MKLN1: variants seen among roughly 807,000 people sequenced by gnomAD.
The protein encoded by MKLN1 is muskelin 1.
In MKLN1, 18 loss-of-function variants were observed where a neutral mutation model predicts 99.0. The ratio of observed to expected loss-of-function variants is 0.18; its 90% CI spans 0.13 to 0.27. The LOEUF is 0.27. MKLN1 is among the 10% of genes least tolerant of loss of function. The pLI is 1.00. For synonymous variants in MKLN1, 288 were observed against 293.2 expected, an observed-to-expected ratio of 0.98 and a Z score of 0.18; for missense variants, 621 against 875.9, an observed-to-expected ratio of 0.71 and a Z score of 3.67.
At chr7:131,113,704 G>C (rs1795231270) in intron 1 of MKLN1, among the ~76,000 whole-genome samples, 1 of 151,492 alleles carries the variant, frequency 6.6e-6, no homozygotes, top group African/African-American at 2.4e-5. Flanking sequence ...AGGCCTGGTG[G>C]CACACACCTG....
In MKLN1 at chr7:131,487,545, A is replaced by T; in HGVS notation, c.2087-62A>T. 1.3e-6 allele frequency: 2 copies of T among 1,557,436 alleles called. No individual in the cohort carries two copies. The highest frequency in any genetic ancestry group is 1.7e-6 in the Non-Finnish European group (2 of 1,151,126). ...TATAAAATACATTGCTGCTGGTCTC[A>T]ACTAGTTTTTCTGTTACATGTTTTA... On this transcript the variant is annotated intron_variant, in intron 17 of 17. Coordinates refer to ENST00000352689, the MANE Select transcript of MKLN1 (RefSeq NM_013255.5). This position sits in a 1 kb window ranked among gnomAD's most constrained non-coding sequence, Gnocchi z 4.7.
intron 1 of MKLN1, among the ~76,000 whole-genome samples, chr7:131,124,109 ACCTCT>A (rs1795418718): frequency 6.6e-6 from 1 of 152,188 alleles, no homozygotes; most frequent in Non-Finnish European, 1.5e-5. Flanking sequence ...AATAACACCT[ACCTCT>A]CAAGGAGGTT....
intron 12 of MKLN1, among the ~76,000 whole-genome samples, chr7:131,448,784 G>A (rs1796093324): frequency 6.6e-6 from 1 of 152,140 alleles, no homozygotes; most frequent in East Asian, 1.9e-4. Context: ...GTGTGTAATT[G>A]GTTTACACAA....
intron 3 of MKLN1, among the ~76,000 whole-genome samples, chr7:131,246,090 C>T (rs928303862): frequency 3.3e-5 from 5 of 152,202 alleles, no homozygotes; most frequent in African/African-American, 7.2e-5. Flanking sequence ...ATTTCTATAA[C>T]CTCCTTGGGG....
intron 8 of MKLN1, among the ~76,000 whole-genome samples, chr7:131,428,496 A>G (rs541609594): frequency 3.3e-4 from 50 of 152,316 alleles, no homozygotes; most frequent in African/African-American, 1.2e-3. Context: ...TGATATAGCA[A>G]TAGAGAGAAA....
At chr7:131,420,378 A>G (rs1322028012) in intron 8 of MKLN1, among the ~76,000 whole-genome samples, 1 of 152,092 alleles carries the variant, frequency 6.6e-6, no homozygotes, top group South Asian at 2.1e-4. Context: ...GATGAACTGG[A>G]TGAGAAGTGT....
At chr7:131,319,354 C>T (rs1229579712) in intron 3 of MKLN1, among the ~76,000 whole-genome samples, 1 of 152,186 alleles carries the variant, frequency 6.6e-6, no homozygotes, top group African/African-American at 2.4e-5. Context: ...CCACGATTAT[C>T]TCAATAGATA....
intron 6 of MKLN1, among the ~76,000 whole-genome samples, chr7:131,403,100 G>C (rs1794597511): frequency 1.3e-5 from 2 of 152,226 alleles, no homozygotes; most frequent in Non-Finnish European, 2.9e-5. Context: ...GGAATGTTTT[G>C]TCTACATTGA....
chr7:131,217,634 G>A (rs10236568), intron 3 of MKLN1, among the ~76,000 whole-genome samples: 47,224 of 152,194 alleles, frequency 0.31, 7,513 homozygotes, highest in South Asian at 0.44. Flanking sequence ...AGAGGCAGGC[G>A]TTGCAGTGAG....
At chr7:131,221,532 G>A (rs763873803) in intron 3 of MKLN1, among the ~76,000 whole-genome samples, 1 of 135,686 alleles carries the variant, frequency 7.4e-6, no homozygotes, top group East Asian at 2.2e-4. Context: ...TTTAAAGACC[G>A]AAGTCTGGCT....
At chr7:131,472,587 AGTGT>A (rs1226690042) in intron 16 of MKLN1, among the ~76,000 whole-genome samples, 2 of 86,124 alleles carry the variant, frequency 2.3e-5, no homozygotes, top group African/African-American at 9.1e-5. Context: ...GAAATGTTGA[AGTGT>A]GTATGTGTGT....
intron 2 of MKLN1, among the ~76,000 whole-genome samples, chr7:131,182,854 G>A (rs1383706302): frequency 1.3e-5 from 2 of 152,182 alleles, no homozygotes; most frequent in East Asian, 3.9e-4. Flanking sequence ...GTGGGCTGAC[G>A]CAGCAGCACA....
At chr7:131,331,029 A>C (rs1799058724) in intron 1 of MKLN1, among the ~76,000 whole-genome samples, 1 of 152,202 alleles carries the variant, frequency 6.6e-6, no homozygotes, top group Non-Finnish European at 1.5e-5. Context: ...TTATACATAA[A>C]AATATTTTGT....
intron 1 of MKLN1, among the ~76,000 whole-genome samples, chr7:131,121,638 C>CAAAAAAAAAAAAAAAAAAAAA (rs55908773): frequency 5.5e-5 from 4 of 72,804 alleles, no homozygotes; most frequent in South Asian, 4.7e-4. Context: ...GACTCCGTCT[C>CAAAAAAAAAAAAAAAAAAAAA]AAAAAAAAAA....
intron 16 of MKLN1, among the ~76,000 whole-genome samples, chr7:131,476,266 C>G (rs940502079): frequency 1.3e-5 from 2 of 152,124 alleles, no homozygotes; most frequent in Non-Finnish European, 2.9e-5. Flanking sequence ...ATTAGCCCCT[C>G]TATTCAACAT....
intron 3 of MKLN1, among the ~76,000 whole-genome samples, chr7:131,226,741 G>A (rs192996791): frequency 8.7e-4 from 133 of 152,276 alleles, no homozygotes; most frequent in African/African-American, 3.1e-3. Context: ...GGGCAGGCTG[G>A]ATTTGAGCTC....
intron 3 of MKLN1, among the ~76,000 whole-genome samples, chr7:131,251,918 G>A (rs987444304): frequency 2.0e-5 from 3 of 152,040 alleles, no homozygotes; most frequent in Non-Finnish European, 4.4e-5. Flanking sequence ...GGCTCAAGCA[G>A]TCCACCTATC....
intron 12 of MKLN1, among the ~76,000 whole-genome samples, chr7:131,452,852 CCTTTTATA>C (rs931798881): frequency 4.6e-5 from 7 of 152,058 alleles, no homozygotes; most frequent in African/African-American, 1.7e-4. Context: ...CCCGGCCGAT[CCTTTTATA>C]CTTTTACCAA....
At chr7:131,441,877 C>A (rs796654583) in intron 10 of MKLN1, among the ~76,000 whole-genome samples, 5 of 152,006 alleles carry the variant, frequency 3.3e-5, no homozygotes, top group African/African-American at 1.2e-4. Flanking sequence ...AATGTGAGTC[C>A]CTAAAGATTT....
Sources: gnomAD v4.1 joint callset for allele counts (sites outside exome capture counted in the v4.1 genomes callset) on GRCh38, gnomAD v4.1.1 for gene constraint, Gnocchi (gnomAD v3.1) non-coding constraint, MANE v1.5 for transcripts, NCBI Gene and HGNC (gene_info 2026-07-23, HGNC 2026-07-21) for gene names.